The following SLC7A2 variants were observed in gnomAD, a reference collection of about 807,000 sequenced individuals.
SLC7A2 encodes solute carrier family 7 member 2.
SLC7A2 carries 48 observed loss-of-function variants against 58.9 expected under a neutral mutation model. The ratio of observed to expected loss-of-function variants is 0.82; its 90% CI spans 0.65 to 1.04. The LOEUF (loss-of-function observed/expected upper bound fraction) is 1.04, where lower values mean the gene tolerates loss of function less well. Ranked by LOEUF, SLC7A2 falls within the 50% of genes least tolerant of loss-of-function variation. The pLI, the probability that SLC7A2 is intolerant of heterozygous loss-of-function variation, is 0.00. For missense variants in SLC7A2, 1,029 were observed against 818.8 expected, an observed-to-expected ratio of 1.26 and a Z score of -3.13; for synonymous variants, 363 against 314.5, an observed-to-expected ratio of 1.15 and a Z score of -1.63.
At chr8:17,503,091 C>T (rs1255295201) in intron 2 of SLC7A2, among the ~76,000 whole-genome samples, 1 of 151,980 alleles carries the variant, frequency 6.6e-6, no homozygotes, top group African/African-American at 2.4e-5. Context: ...CACTCTGTCA[C>T]CCAGGCTGGA....
In SLC7A2 at chr8:17,565,427, A is replaced by T. The variant is rs972025798; in HGVS notation, c.*281A>T. ...GTATGTATCTATGTATATGCTTGGGAACATGAGTGTTACAAGTTAGCTGGT... is the reference window on the plus strand; with the variant it reads ...GTATGTATCTATGTATATGCTTGGGTACATGAGTGTTACAAGTTAGCTGGT... On this transcript the variant is annotated 3_prime_UTR_variant, in exon 13 of 13. Transcript: ENST00000494857. 4 of 299,152 alleles carry T rather than the reference A, an allele frequency of 1.3e-5. No individual in the cohort carries two copies. The East Asian group carries it at 1.8e-4, about 13-fold the overall frequency. The allele number at this position is 299,152 out of a possible 1,614,324, so 18.5% of individuals were successfully genotyped here. A position where few individuals can be genotyped will look rare whatever the true frequency, so the allele number is the denominator to read the frequency against.
intron 2 of SLC7A2, among the ~76,000 whole-genome samples, chr8:17,522,047 T>C (rs1322260176): frequency 3.9e-5 from 6 of 152,206 alleles, no homozygotes; most frequent in African/African-American, 1.2e-4. Context: ...TGACCCAGGC[T>C]GTATGCATGC....
chr8:17,523,103 C>T (rs929427685), intron 2 of SLC7A2, among the ~76,000 whole-genome samples: 2 of 151,750 alleles, frequency 1.3e-5, no homozygotes, highest in African/African-American at 4.8e-5. Flanking sequence ...ACATGTATAC[C>T]CATGTAACAA....
rs540643079 is a variant in SLC7A2 at position 17,550,933 on chromosome 8, C to T, written c.832+499C>T. Among the ~76,000 whole-genome samples the T allele has an allele frequency of 9.2e-5, 14 of 152,242 alleles. No individual in the cohort carries two copies. In the South Asian group the frequency reaches 2.7e-3, roughly 29 times the overall value. ...CTCTATTTTTACGTCATAGTGTGGC[C>T]ATACAATTGACCACATTTTGAGTAT... On this transcript the variant is annotated intron_variant, in intron 6 of 12. Coordinates refer to ENST00000494857, the MANE Select transcript of SLC7A2 (RefSeq NM_001370338.1).
At chr8:17,496,567 G>A (rs1240038567), upstream of SLC7A2, among the ~76,000 whole-genome samples, 2 of 152,064 alleles carry the variant, frequency 1.3e-5, no homozygotes, top group African/African-American at 4.8e-5. Context: ...TCGTGACTAC[G>A]TATTCATACC....
chr8:17,495,613 T>C (rs903014742), upstream of SLC7A2, among the ~76,000 whole-genome samples: 6 of 152,166 alleles, frequency 3.9e-5, no homozygotes, highest in Non-Finnish European at 8.8e-5. Context: ...GTAGTGGCAC[T>C]ATCTCGGCTC....
rs947074484 is a variant in SLC7A2 at position 17,530,173 on chromosome 8, TC to T, written c.-22-13139del. On this transcript the variant is annotated intron_variant, in intron 2 of 12. Transcript: ENST00000494857. ...GTTTCTTAGCTTTAATTTTCTACGT[TC>T]CCCCCTGCCCCCCATCCCCGGTCCG... Among the ~76,000 whole-genome samples, 11 of 151,822 alleles carry T rather than the reference TC, an allele frequency of 7.2e-5. No individual in the cohort carries two copies. In the East Asian group the frequency reaches 7.8e-4, roughly 11 times the overall value.
intron 2 of SLC7A2, among the ~76,000 whole-genome samples, chr8:17,508,521 C>T (rs1377890669): frequency 1.3e-5 from 2 of 152,066 alleles, no homozygotes. Flanking sequence ...ATCAGGAGTT[C>T]AAGACCAGCC....
rs1394730805 is a variant in SLC7A2 at position 17,532,234 on chromosome 8, A to AC, written c.-22-11084_-22-11083insC. 6.3e-4 allele frequency among the ~76,000 whole-genome samples: 40 copies of AC among 63,514 alleles called. 2 individuals are homozygous for AC. Among genetic ancestry groups the AC allele is most frequent in the African/African-American group, 1.4e-3 (38 of 26,266 alleles). 41.7% of individuals were successfully genotyped at this position (63,514 alleles called of 152,430 possible). A position where few individuals can be genotyped will look rare whatever the true frequency, so the allele number is the denominator to read the frequency against. ...AACAGGGCAAGACTCTATCTCAAAAAAAAAAAAAAAAAAAAAAAAAAAAAA... is the reference window on the plus strand; with the variant it reads ...AACAGGGCAAGACTCTATCTCAAAAACAAAAAAAAAAAAAAAAAAAAAAAAA... On this transcript the variant is annotated intron_variant, in intron 2 of 12. Coordinates refer to ENST00000494857, the MANE Select transcript of SLC7A2 (RefSeq NM_001370338.1).
intron 4 of SLC7A2, among the ~76,000 whole-genome samples, chr8:17,546,987 A>G (rs2150746309): frequency 6.6e-6 from 1 of 152,244 alleles, no homozygotes; most frequent in East Asian, 1.9e-4. Context: ...GTAGAAACTA[A>G]AAAGGGAAAA....
At chr8:17,538,889 C>T in intron 2 of SLC7A2, 1 of 1,613,786 alleles carries the variant, frequency 6.2e-7, no homozygotes, top group Non-Finnish European at 8.5e-7. Flanking sequence ...ATTGGAACAC[C>T]TGCCCCACCG....
At chr8:17,556,680 C>G (rs947484706) in intron 8 of SLC7A2, among the ~76,000 whole-genome samples, 4 of 151,868 alleles carry the variant, frequency 2.6e-5, no homozygotes, top group Non-Finnish European at 5.9e-5. Flanking sequence ...ACGATCTTGG[C>G]TCGTTGCAAC....
intron 1 of SLC7A2, among the ~76,000 whole-genome samples, 189 bp from the exon 2 acceptor site, chr8:17,502,068 A>T (rs958813503): frequency 6.6e-6 from 1 of 150,988 alleles, no homozygotes; most frequent in Non-Finnish European, 1.5e-5. Context: ...TCCTACAATT[A>T]TATATATATA....
At chr8:17,557,083 T>C (rs911750328) in intron 8 of SLC7A2, among the ~76,000 whole-genome samples, 1 of 152,204 alleles carries the variant, frequency 6.6e-6, no homozygotes, top group African/African-American at 2.4e-5. Flanking sequence ...TCACAATTGC[T>C]GAGTTTGGGG....
intron 2 of SLC7A2, among the ~76,000 whole-genome samples, chr8:17,512,211 T>G (rs1024553727): frequency 6.6e-6 from 1 of 152,046 alleles, no homozygotes; most frequent in Non-Finnish European, 1.5e-5. Flanking sequence ...AGATATGGCT[T>G]TTTTTCAAGG....
chr8:17,551,754 A>G lies in SLC7A2; in HGVS notation c.833-10A>G, dbSNP rs1802460736. On this transcript the variant is annotated splice_polypyrimidine_tract_variant and intron_variant, in intron 6 of 12. Coordinates refer to ENST00000494857, the MANE Select transcript of SLC7A2 (RefSeq NM_001370338.1). The stretch of plus-strand genomic sequence containing the variant: ...TTAAGCATACACATCTTTTGTTTAT[A>G]TTTCCTTAGGTGAAGAAGTTCGGAA... The G allele has an allele frequency of 6.3e-7, 1 of 1,598,140 alleles. No homozygotes were observed. The highest frequency in any genetic ancestry group is 1.1e-5 in the South Asian group (1 of 90,758).
Position 17,550,451 on chromosome 8 carries a change from G to T in SLC7A2, c.832+17G>T, listed in dbSNP as rs1158832870. 2.5e-6 allele frequency: 4 copies of T among 1,610,360 alleles called. No homozygotes were observed. In the East Asian group the frequency reaches 8.9e-5, roughly 36 times the overall value. On this transcript the variant is annotated intron_variant, in intron 6 of 12. Coordinates refer to ENST00000494857, the MANE Select transcript of SLC7A2 (RefSeq NM_001370338.1). ...CAACAACTGGTAAGAGCAGTGTCTT[G>T]GCTCAGTGTAGAAGGAGTGTTCCTT...
chr8:17,500,250 A>G (rs1038548019), intron 1 of SLC7A2: 2 of 152,240 alleles, frequency 1.3e-5, no homozygotes, highest in African/African-American at 4.8e-5. Flanking sequence ...TGCTCTCTCT[A>G]ATACATGAAG....
rs1803315026 is a variant in SLC7A2, at chr8:17,567,442, C to G, written c.*2296C>G. On this transcript the variant is annotated 3_prime_UTR_variant, in exon 13 of 13. Coordinates refer to ENST00000494857, the MANE Select transcript of SLC7A2 (RefSeq NM_001370338.1). The stretch of plus-strand genomic sequence containing the variant: ...AAAATTATTTTTCCACATTGAAACA[C>G]TTTGCAGACACAAATATCTATGAAA... 1 of 152,646 alleles carries G rather than the reference C, an allele frequency of 6.6e-6. No individual in the cohort carries two copies. The highest frequency in any genetic ancestry group is 2.4e-5 in the African/African-American group (1 of 41,446). The allele number at this position is 152,646 out of a possible 1,614,324, so 9.5% of individuals were successfully genotyped here.
Sources: allele counts gnomAD v4.1 joint callset (sites outside exome capture counted in the v4.1 genomes callset), GRCh38; gene constraint gnomAD v4.1.1; transcripts MANE v1.5; gene names NCBI Gene and HGNC (gene_info 2026-07-23, HGNC 2026-07-21).